The following MAML2 variants were observed in gnomAD, a reference collection of about 807,000 sequenced individuals.
MAML2 encodes the protein mastermind like transcriptional coactivator 2.
MAML2 carries 22 observed loss-of-function variants against 96.1 expected under a neutral mutation model. The ratio of observed to expected loss-of-function variants is 0.23; its 90% CI spans 0.16 to 0.33. The LOEUF (loss-of-function observed/expected upper bound fraction) is 0.33, where lower values mean the gene tolerates loss of function less well. Ranked by LOEUF, MAML2 falls within the 10% of genes least tolerant of loss-of-function variation. The pLI is 1.00. For missense variants in MAML2, 1,367 were observed against 1,392.4 expected (o/e 0.98, Z 0.29); for synonymous variants, 561 against 521.3 (o/e 1.08, Z -1.04).
At position 96,265,300 on chromosome 11, in the gene MAML2, T is replaced by A. The variant is rs1352136010; in HGVS notation, c.513+76083A>T. Among the ~76,000 whole-genome samples, 4 of 152,254 alleles carry A rather than the reference T, an allele frequency of 2.6e-5. No homozygotes were observed. The East Asian group carries it at 7.7e-4, about 29-fold the overall frequency. Reference sequence around the variant, plus strand: ...AAATGTGATGGAAAAACAACAGAGTTATTTTCCCCATGAATTACTCTTGCA... The same window carrying A: ...AAATGTGATGGAAAAACAACAGAGTAATTTTCCCCATGAATTACTCTTGCA... On this transcript the variant is annotated intron_variant, in intron 1 of 4. Coordinates refer to ENST00000524717, the MANE Select transcript of MAML2 (RefSeq NM_032427.4).
chr11:96,038,311 C>T (rs139497981), intron 2 of MAML2, among the ~76,000 whole-genome samples: 2 of 152,260 alleles, frequency 1.3e-5, no homozygotes, highest in African/African-American at 4.8e-5. Context: ...CTTCATCGTT[C>T]CTTATACTCA....
chr11:96,243,955 TA>T (rs1431518338), intron 1 of MAML2, among the ~76,000 whole-genome samples: 1 of 152,212 alleles, frequency 6.6e-6, no homozygotes, highest in African/African-American at 2.4e-5. Flanking sequence ...CATCCTTCTT[TA>T]ACCACGACAT....
chr11:96,016,960 T>C (rs1392483703), intron 2 of MAML2, among the ~76,000 whole-genome samples: 1 of 152,152 alleles, frequency 6.6e-6, no homozygotes. Flanking sequence ...ATGGAAACTA[T>C]ATAAAATGTA....
At chr11:96,106,532 C>G (rs890018082) in intron 1 of MAML2, among the ~76,000 whole-genome samples, 2 of 152,150 alleles carry the variant, frequency 1.3e-5, no homozygotes, top group African/African-American at 4.8e-5. Flanking sequence ...AAATATCCAC[C>G]CATTCTGAAT....
chr11:96,266,854 G>C (rs929506687), intron 1 of MAML2, among the ~76,000 whole-genome samples: 4 of 152,108 alleles, frequency 2.6e-5, no homozygotes, highest in African/African-American at 9.7e-5. Context: ...GGTTAATAAT[G>C]AGCCCCTTCT....
chr11:96,029,304 T>C (rs1038219427), intron 2 of MAML2, among the ~76,000 whole-genome samples: 1 of 152,088 alleles, frequency 6.6e-6, no homozygotes, highest in Non-Finnish European at 1.5e-5. Flanking sequence ...GCAATAATGT[T>C]CCCCTGATAG....
intron 1 of MAML2, among the ~76,000 whole-genome samples, chr11:96,282,890 C>T (rs537756): frequency 0.74 from 112,466 of 152,040 alleles, 41,660 homozygotes; most frequent in East Asian, 0.83. Flanking sequence ...CCTTAATGTA[C>T]ACACTTGCAA....
chr11:96,321,811 T>C (rs1863706021), intron 1 of MAML2, among the ~76,000 whole-genome samples: 1 of 152,224 alleles, frequency 6.6e-6, no homozygotes, highest in African/African-American at 2.4e-5. Context: ...CATAGCAAAA[T>C]GACCTAGCAG....
Position 96,290,200 on chromosome 11 carries a change from G to T in MAML2, c.513+51183C>A, listed in dbSNP as rs570743422. Among the ~76,000 whole-genome samples, 20 of 152,214 alleles carry T rather than the reference G, an allele frequency of 1.3e-4. No homozygotes were observed. In the South Asian group the frequency reaches 3.9e-3, roughly 30 times the overall value. On this transcript the variant is annotated intron_variant, in intron 1 of 4. Transcript: ENST00000524717. ...CTTAATGGTCTTCATTCTCCCCAAAGCTTCTCTCACTCCCAGGTAATAAGC... is the reference window on the plus strand; with the variant it reads ...CTTAATGGTCTTCATTCTCCCCAAATCTTCTCTCACTCCCAGGTAATAAGC...
intron 2 of MAML2, among the ~76,000 whole-genome samples, chr11:96,055,429 G>T (rs556328470): frequency 6.6e-6 from 1 of 151,902 alleles, no homozygotes. Flanking sequence ...AGAGGCAGGG[G>T]GGAAAAAAAA....
At chr11:96,267,425 A>T (rs2135977468) in intron 1 of MAML2, among the ~76,000 whole-genome samples, 2 of 152,344 alleles carry the variant, frequency 1.3e-5, no homozygotes, top group South Asian at 4.1e-4. Context: ...TAGCTAGGGG[A>T]AAAAAGAAAA....
intron 1 of MAML2, among the ~76,000 whole-genome samples, chr11:96,113,604 G>A (rs79830862): frequency 3.1e-4 from 43 of 139,152 alleles, no homozygotes; most frequent in South Asian, 4.6e-4. Context: ...CCCGTTGTTT[G>A]AAAAAAAAAA....
At chr11:96,202,177 C>CAAA (rs35124521) in intron 1 of MAML2, among the ~76,000 whole-genome samples, 1 of 75,872 alleles carries the variant, frequency 1.3e-5, no homozygotes, top group Non-Finnish European at 2.4e-5. Context: ...ACTAAAAATA[C>CAAA]AAAAAAAAAA....
At chr11:96,224,866 G>T (rs988841143) in intron 1 of MAML2, among the ~76,000 whole-genome samples, 1 of 151,998 alleles carries the variant, frequency 6.6e-6, no homozygotes, top group Non-Finnish European at 1.5e-5. Flanking sequence ...GGTGATTCTT[G>T]TTTTCATGGT....
chr11:96,250,457 C>T (rs1386049760), intron 1 of MAML2, among the ~76,000 whole-genome samples: 1 of 152,134 alleles, frequency 6.6e-6, no homozygotes. Context: ...TTATTGTTTG[C>T]TATAGTCATC....
intron 2 of MAML2, among the ~76,000 whole-genome samples, chr11:96,055,075 C>T (rs1859042203): frequency 6.6e-6 from 1 of 152,170 alleles, no homozygotes; most frequent in African/African-American, 2.4e-5. Context: ...CTCCTAACTT[C>T]CATTTACATT....
chr11:96,024,831 T>A (rs1349402122), intron 2 of MAML2, among the ~76,000 whole-genome samples: 1 of 152,202 alleles, frequency 6.6e-6, no homozygotes, highest in African/African-American at 2.4e-5. Context: ...GCTCACCTCT[T>A]ACTCAGCCCT....
intron 1 of MAML2, among the ~76,000 whole-genome samples, chr11:96,171,235 A>G (rs1861290351): frequency 6.6e-6 from 1 of 152,130 alleles, no homozygotes; most frequent in Non-Finnish European, 1.5e-5. Flanking sequence ...TGAGAAGAAT[A>G]CACACTCTTC....
At chr11:96,081,074 C>G (rs751660526) in intron 2 of MAML2, among the ~76,000 whole-genome samples, 16 of 152,054 alleles carry the variant, frequency 1.1e-4, no homozygotes, top group Non-Finnish European at 2.1e-4. Context: ...CCTGAAGGAA[C>G]TTAAAGTTCT....
Sources: allele counts gnomAD v4.1 joint callset (sites outside exome capture counted in the v4.1 genomes callset), GRCh38; gene constraint gnomAD v4.1.1; transcripts MANE v1.5; gene names NCBI Gene and HGNC (gene_info 2026-07-23, HGNC 2026-07-21).